The following SMG6 variants were observed in gnomAD, a reference collection of about 807,000 sequenced individuals.
SMG6 encodes the protein telomerase-binding protein EST1A.
In SMG6, 66 loss-of-function variants were observed where a neutral mutation model predicts 142.2. The observed-to-expected ratio is 0.46, with a 90% CI of 0.38 to 0.57. The LOEUF is 0.57. Ranked by LOEUF, SMG6 falls within the 20% of genes least tolerant of loss-of-function variation. SMG6 has a pLI of 0.00. For missense variants in SMG6, 1,793 were observed against 1,832.0 expected (o/e 0.98, Z 0.39); for synonymous variants, 779 against 702.4 (o/e 1.11, Z -1.72).
At chr17:2,094,532 C>T (rs1442437560) in intron 13 of SMG6, among the ~76,000 whole-genome samples, 1 of 152,102 alleles carries the variant, frequency 6.6e-6, no homozygotes, top group Non-Finnish European at 1.5e-5. Context: ...AGCCACTTTG[C>T]TTGGCCAACA....
chr17:2,099,417 C>A (rs1412739613), intron 13 of SMG6, among the ~76,000 whole-genome samples: 2 of 151,818 alleles, frequency 1.3e-5, no homozygotes, highest in African/African-American at 2.4e-5. Context: ...GGCTGTTGTA[C>A]CAGGTCAAGG....
At position 2,088,897 on chromosome 17, in the gene SMG6, A is replaced by G. The variant is rs1245784743; in HGVS notation, c.3358-2996T>C. The G allele has an allele frequency of 4.2e-6, 4 of 944,754 alleles. No individual in the cohort carries two copies. The African/African-American group carries it at 7.1e-5, about 17-fold the overall frequency. The allele number at this position is 944,754 out of a possible 1,614,324, so 58.5% of individuals were successfully genotyped here. A position where few individuals can be genotyped will look rare whatever the true frequency, so the allele number is the denominator to read the frequency against. On this transcript the variant is annotated intron_variant, in intron 13 of 18. Transcript: ENST00000263073. ...CGCTCTCTTGATGCTGGAGTTCTGT[A>G]GGAGACTTACGGGAATATTCTCCTA... is the stretch of plus-strand genomic sequence containing the variant.
intron 10 of SMG6, among the ~76,000 whole-genome samples, chr17:2,231,027 T>C (rs963711197): frequency 4.6e-5 from 7 of 152,230 alleles, no homozygotes; most frequent in African/African-American, 1.4e-4. Context: ...TTTACACAGC[T>C]AACTCAAGCC....
At chr17:2,096,821 C>G (rs2068868826) in intron 13 of SMG6, among the ~76,000 whole-genome samples, 3 of 148,620 alleles carry the variant, frequency 2.0e-5, no homozygotes, top group Admixed American at 2.0e-4. Context: ...TTCAGTCCAG[C>G]AAAGGACTCC....
At chr17:2,264,061 T>C (rs573268401) in intron 8 of SMG6, among the ~76,000 whole-genome samples, 2 of 149,504 alleles carry the variant, frequency 1.3e-5, no homozygotes, top group African/African-American at 2.4e-5. Flanking sequence ...TGTGTTACTA[T>C]ATAAAGTGAG....
In SMG6 at chr17:2,227,438, T is replaced by C. The variant is rs538147586; in HGVS notation, c.2869+9054A>G. 3.3e-5 allele frequency among the ~76,000 whole-genome samples: 5 copies of C among 152,324 alleles called. No individual in the cohort carries two copies. The East Asian group carries it at 5.8e-4, about 18-fold the overall frequency. On this transcript the variant is annotated intron_variant, in intron 10 of 18. Transcript: ENST00000263073. ...CAACATGAATAAATCTAAAAATTAC[T>C]ATGCTGAGCTAAAGAAGTCAGACAT...
chr17:2,142,594 G>C (rs781497934), intron 13 of SMG6, among the ~76,000 whole-genome samples: 6 of 151,294 alleles, frequency 4.0e-5, no homozygotes, highest in Non-Finnish European at 5.9e-5. Flanking sequence ...TTAAAAGTAG[G>C]CAAATATGGC....
chr17:2,241,043 C>T (rs1025245982), intron 9 of SMG6, among the ~76,000 whole-genome samples: 2 of 152,096 alleles, frequency 1.3e-5, no homozygotes, highest in African/African-American at 2.4e-5. Flanking sequence ...AAATATGGCG[C>T]TCAATTTTAT....
intron 12 of SMG6, among the ~76,000 whole-genome samples, chr17:2,179,404 TAC>T (rs1206925976): frequency 2.0e-5 from 3 of 152,202 alleles, no homozygotes; most frequent in African/African-American, 4.8e-5. Context: ...CTATCTCATC[TAC>T]AGAGTCAACA....
chr17:2,162,323 T>C (rs1474940000), intron 13 of SMG6, among the ~76,000 whole-genome samples: 3 of 151,658 alleles, frequency 2.0e-5, no homozygotes, highest in African/African-American at 7.3e-5. Flanking sequence ...CCATCCTGGC[T>C]AACATGGTGA....
At chr17:2,199,881 T>C (rs934146181) in intron 10 of SMG6, 1 of 151,520 alleles carries the variant, frequency 6.6e-6, no homozygotes, top group East Asian at 2.0e-4. Flanking sequence ...CACTCCAGCT[T>C]GGGTAAGAGA....
chr17:2,149,314 C>T (rs1275289833), intron 13 of SMG6, among the ~76,000 whole-genome samples: 4 of 131,910 alleles, frequency 3.0e-5, no homozygotes, highest in African/African-American at 8.6e-5. Context: ...CACACCACTA[C>T]ACTCTACCCT....
chr17:2,260,671 A>T lies in SMG6; in HGVS notation c.2662-15952T>A, dbSNP rs560168232. Reference sequence around the variant, plus strand: ...AAATGCTCTGTCACTGCTATCATTAAACGTATAGAAAAAAATTTGAGTTTA... The same window carrying T: ...AAATGCTCTGTCACTGCTATCATTATACGTATAGAAAAAAATTTGAGTTTA... On this transcript the variant is annotated intron_variant, in intron 8 of 18. Transcript: ENST00000263073. 2.8e-4 allele frequency among the ~76,000 whole-genome samples: 42 copies of T among 152,284 alleles called. No individual in the cohort carries two copies. The South Asian group carries it at 7.0e-3, about 26-fold the overall frequency.
intron 13 of SMG6, among the ~76,000 whole-genome samples, chr17:2,097,965 T>C (rs1350874844): frequency 3.3e-5 from 5 of 152,124 alleles, no homozygotes; most frequent in Non-Finnish European, 4.4e-5. Context: ...CTTGCACTAC[T>C]GATAAACTGT....
At chr17:2,156,834 G>A (rs1037385343) in intron 13 of SMG6, among the ~76,000 whole-genome samples, 1 of 151,966 alleles carries the variant, frequency 6.6e-6, no homozygotes, top group Non-Finnish European at 1.5e-5. Context: ...TTATTTTTTT[G>A]TGGTGACAAG....
chr17:2,291,580 C>G (rs12941836), intron 6 of SMG6, among the ~76,000 whole-genome samples: 84,596 of 150,664 alleles, frequency 0.56, 25,041 homozygotes, highest in East Asian at 0.75. Flanking sequence ...TTTCAGTAAA[C>G]CACATTACTT....
chr17:2,166,070 G>A (rs1468310503), intron 13 of SMG6, among the ~76,000 whole-genome samples: 1 of 152,082 alleles, frequency 6.6e-6, no homozygotes, highest in Non-Finnish European at 1.5e-5. Flanking sequence ...AAATTAACTG[G>A]GCGTGGTGGC....
chr17:2,087,504 T>C (rs2068596920), intron 13 of SMG6: 1 of 1,042,954 alleles, frequency 9.6e-7, no homozygotes, highest in African/African-American at 1.7e-5. Context: ...AATCTCAAGC[T>C]AAGTACTTTG....
chr17:2,167,300 G>C (rs186829313), intron 13 of SMG6, among the ~76,000 whole-genome samples: 5 of 152,184 alleles, frequency 3.3e-5, no homozygotes, highest in African/African-American at 1.2e-4. Flanking sequence ...AATATATCAA[G>C]ATGACAAACT....
Sources: gnomAD v4.1 joint callset for allele counts (sites outside exome capture counted in the v4.1 genomes callset) on GRCh38, gnomAD v4.1.1 for gene constraint, MANE v1.5 for transcripts, NCBI Gene and HGNC (gene_info 2026-07-23, HGNC 2026-07-21) for gene names.